The following ANKS1B variants were observed in gnomAD, a reference collection of about 807,000 sequenced individuals.
ANKS1B encodes the protein ankyrin repeat and sterile alpha motif domain-containing protein 1B.
In ANKS1B, 36 loss-of-function variants were observed where a neutral mutation model predicts 148.3. The ratio of observed to expected loss-of-function variants is 0.24; its 90% CI spans 0.19 to 0.32. The LOEUF (loss-of-function observed/expected upper bound fraction) is 0.32, where lower values mean the gene tolerates loss of function less well. Among genes scored for constraint, ANKS1B ranks in the 10% least tolerant of loss-of-function variants. The pLI, the probability that ANKS1B is intolerant of heterozygous loss-of-function variation, is 1.00. For missense variants in ANKS1B, 1,157 were observed against 1,542.6 expected, an observed-to-expected ratio of 0.75 and a Z score of 4.19; for synonymous variants, 542 against 560.8, an observed-to-expected ratio of 0.97 and a Z score of 0.47.
chr12:99,928,380 G>A (rs1204632564), intron 1 of ANKS1B, among the ~76,000 whole-genome samples: 1 of 150,034 alleles, frequency 6.7e-6, no homozygotes, highest in Non-Finnish European at 1.5e-5. Context: ...CCGGGTTCAC[G>A]CCATTCTCCT....
At chr12:99,555,534 C>T (rs1442145938) in intron 9 of ANKS1B, among the ~76,000 whole-genome samples, 1 of 152,124 alleles carries the variant, frequency 6.6e-6, no homozygotes, top group African/African-American at 2.4e-5. Context: ...AAGGGTTATG[C>T]TTCTAGCTTT....
At chr12:99,008,343 C>T (rs528008948) in intron 17 of ANKS1B, among the ~76,000 whole-genome samples, 6 of 152,188 alleles carry the variant, frequency 3.9e-5, no homozygotes, top group African/African-American at 1.4e-4. Context: ...TCCTTCCTTT[C>T]TTTCTTCCAA....
intron 1 of ANKS1B, among the ~76,000 whole-genome samples, chr12:99,972,477 G>A (rs1269100897): frequency 6.6e-6 from 1 of 152,204 alleles, no homozygotes; most frequent in African/African-American, 2.4e-5. Context: ...GATCATAACA[G>A]CAACACAACA....
Position 98,744,993 on chromosome 12 carries a change from A to C in ANKS1B, c.*746T>G, listed in dbSNP as rs2097850652. The C allele has an allele frequency of 5.1e-6, 5 of 985,838 alleles. No homozygotes were observed. The highest frequency in any genetic ancestry group is 6.0e-6 in the Non-Finnish European group (5 of 829,902). The allele number at this position is 985,838 out of a possible 1,614,324, so 61.1% of individuals were successfully genotyped here. A position where few individuals can be genotyped will look rare whatever the true frequency, so the allele number is the denominator to read the frequency against. Reference sequence around the variant, plus strand: ...AATGAAACCAGAAACATCCCTCGCAACTAACCTAGTTTTCTTATCAATGCA... The same window carrying C: ...AATGAAACCAGAAACATCCCTCGCACCTAACCTAGTTTTCTTATCAATGCA... On this transcript the variant is annotated 3_prime_UTR_variant, in exon 27 of 27. Coordinates refer to ENST00000683438, the MANE Select transcript of ANKS1B (RefSeq NM_001352186.2).
intron 12 of ANKS1B, among the ~76,000 whole-genome samples, chr12:99,247,403 T>A (rs2074004222): frequency 6.6e-6 from 1 of 152,128 alleles, no homozygotes; most frequent in Admixed American, 6.5e-5. Context: ...AAATATAAAT[T>A]TAAAATAATT....
rs1379352102 is a variant in ANKS1B, at chr12:99,246,700, A to G, written c.1921T>C (p.Leu641=). 8 of 1,613,938 alleles carry G rather than the reference A, an allele frequency of 5.0e-6. No homozygotes were observed. Among genetic ancestry groups the G allele is most frequent in the South Asian group, 2.2e-5 (2 of 91,076 alleles). Residue 641 remains leucine, a synonymous_variant, in exon 13 of 27, where the codon TTG becomes CTG. Transcript: ENST00000683438. ...TTGAAAGGCAAAGGACTGTTTGCCA[A>G]ACTGACTTCATCTTGTCCTTTTTCA... ...QCEKGQDEVS[L]ANSPLPFKQS... is the part of the protein sequence containing the mutation.
At position 99,783,827 on chromosome 12, in the gene ANKS1B, T is replaced by C. The variant is rs145182673; in HGVS notation, c.670-1730A>G. ...CTAGTATTCTTTAGTAGGGTGATGA[T>C]AGTTAACAATAATTGATTATATATT... On this transcript the variant is annotated intron_variant, in intron 4 of 26. Transcript: ENST00000683438. 4.1e-3 allele frequency among the ~76,000 whole-genome samples: 620 copies of C among 152,222 alleles called. 9 individuals are homozygous for C. Among genetic ancestry groups the C allele is most frequent in the African/African-American group, 0.014 (576 of 41,532 alleles).
Position 99,802,905 on chromosome 12 carries a change from C to T in ANKS1B, c.669+3499G>A, listed in dbSNP as rs554608683. On this transcript the variant is annotated intron_variant, in intron 4 of 26. Coordinates refer to ENST00000683438, the MANE Select transcript of ANKS1B (RefSeq NM_001352186.2). ...CCAGCCTGGGTGGCAGAATAAGACC[C>T]TGCCTTTAAAAAAAAAAAAAAAGTA... Among the ~76,000 whole-genome samples the T allele has an allele frequency of 8.4e-5, 9 of 107,316 alleles. No homozygotes were observed. In the East Asian group the frequency reaches 3.5e-3, roughly 42 times the overall value. 70.4% of individuals were successfully genotyped at this position (107,316 alleles called of 152,430 possible).
chr12:99,352,040 C>G (rs1306499532), intron 12 of ANKS1B: 1 of 151,892 alleles, frequency 6.6e-6, no homozygotes, highest in African/African-American at 2.4e-5. Context: ...CAAAGATGAC[C>G]CACATTTTCT....
At chr12:99,499,931 G>A (rs533706541) in intron 10 of ANKS1B, among the ~76,000 whole-genome samples, 1 of 152,048 alleles carries the variant, frequency 6.6e-6, no homozygotes, top group South Asian at 2.1e-4. Flanking sequence ...CCGAGATTGG[G>A]CAGCAGACAG....
intron 1 of ANKS1B, among the ~76,000 whole-genome samples, chr12:99,831,150 A>G (rs1411283140): frequency 6.6e-6 from 1 of 151,888 alleles, no homozygotes; most frequent in Non-Finnish European, 1.5e-5. Context: ...GTAGGTGACC[A>G]GTAAATATTT....
At chr12:99,696,362 C>T (rs143431356) in intron 8 of ANKS1B, among the ~76,000 whole-genome samples, 2 of 152,062 alleles carry the variant, frequency 1.3e-5, no homozygotes, top group African/African-American at 4.8e-5. Flanking sequence ...ATAATCAAGA[C>T]AGTGTGGTAT....
chr12:99,522,679 T>A (rs2096886780), intron 9 of ANKS1B, among the ~76,000 whole-genome samples: 1 of 152,116 alleles, frequency 6.6e-6, no homozygotes, highest in Admixed American at 6.5e-5. Context: ...AGCAATACTA[T>A]GAAAAAAATA....
chr12:98,888,118 T>C (rs549331410), intron 17 of ANKS1B, among the ~76,000 whole-genome samples: 5 of 152,356 alleles, frequency 3.3e-5, no homozygotes, highest in Admixed American at 6.5e-5. Context: ...TTGTATTACA[T>C]GCATTGTCTG....
At chr12:99,972,232 G>A (rs1477449216) in intron 1 of ANKS1B, among the ~76,000 whole-genome samples, 5 of 152,152 alleles carry the variant, frequency 3.3e-5, no homozygotes, top group Non-Finnish European at 7.3e-5. Context: ...AGAGTCACAC[G>A]TTTCTCACTT....
intron 12 of ANKS1B, among the ~76,000 whole-genome samples, chr12:99,387,606 G>A (rs912111001): frequency 6.9e-6 from 1 of 145,032 alleles, no homozygotes; most frequent in African/African-American, 2.8e-5. Flanking sequence ...AAAAAAAAAA[G>A]AAGAAGAAGA....
chr12:99,560,394 A>T (rs1051878022), intron 9 of ANKS1B, among the ~76,000 whole-genome samples: 6 of 142,856 alleles, frequency 4.2e-5, no homozygotes, highest in African/African-American at 1.3e-4. Flanking sequence ...GATTTTTTTT[A>T]AGAAAAAAAA....
chr12:98,841,756 A>C lies in ANKS1B; in HGVS notation c.2779-9620T>G, dbSNP rs73380455. Among the ~76,000 whole-genome samples the C allele has an allele frequency of 5.7e-3, 867 of 152,250 alleles. 8 individuals carry two copies. Among genetic ancestry groups the C allele is most frequent in the African/African-American group, 0.02 (847 of 41,542 alleles). ...AAGGATGAGTTCAAAAAGAGGAAAA[A>C]AAAAGGGGTAACAACAGTGAGAGAG... On this transcript the variant is annotated intron_variant, in intron 17 of 26. Transcript: ENST00000683438.
At chr12:98,757,265 C>A (rs2098272379) in intron 25 of ANKS1B, among the ~76,000 whole-genome samples, 1 of 152,232 alleles carries the variant, frequency 6.6e-6, no homozygotes, top group Non-Finnish European at 1.5e-5. Context: ...TCCAGTCGGG[C>A]TGCCCCAGCA....
Sources: allele counts gnomAD v4.1 joint callset (sites outside exome capture counted in the v4.1 genomes callset), GRCh38; gene constraint gnomAD v4.1.1; transcripts MANE v1.5; gene names NCBI Gene and HGNC (gene_info 2026-07-23, HGNC 2026-07-21).